Variants in KCNK5 observed in about 807,000 individuals in gnomAD.
KCNK5 encodes potassium channel subfamily K member 5.
Under a neutral mutation model 32.9 loss-of-function variants are expected in KCNK5, and 18 were observed. That is an observed-to-expected ratio of 0.55 (90% CI 0.38 to 0.81). The LOEUF (loss-of-function observed/expected upper bound fraction) is 0.81. Among genes scored for constraint, KCNK5 ranks in the 30% least tolerant of loss-of-function variants. The probability of loss-of-function intolerance (pLI) is 0.00; values close to 1 mark genes in which losing one functional copy is unlikely to be tolerated. For synonymous variants in KCNK5, 276 were observed against 275.3 expected (o/e 1.00, Z -0.03); for missense variants, 507 against 651.0 (o/e 0.78, Z 2.41).
At chr6:39,197,418 C>T (rs904579127) in intron 1 of KCNK5, among the ~76,000 whole-genome samples, 10 of 152,236 alleles carry the variant, frequency 6.6e-5, no homozygotes, top group African/African-American at 2.4e-4. Flanking sequence ...CTGCCTCCTC[C>T]GGCATTTCAC....
chr6:39,210,400 C>T (rs1262336885), intron 1 of KCNK5, among the ~76,000 whole-genome samples: 1 of 152,136 alleles, frequency 6.6e-6, no homozygotes, highest in South Asian at 2.1e-4. Context: ...TCGTCACCTT[C>T]ACTCCCCCTA....
intron 1 of KCNK5, among the ~76,000 whole-genome samples, chr6:39,199,503 G>A (rs1459852863): frequency 1.3e-5 from 2 of 152,186 alleles, no homozygotes; most frequent in Non-Finnish European, 2.9e-5. Flanking sequence ...AGGAGGCACT[G>A]GAGAGAGCCC....
chr6:39,205,028 C>T (rs1015699157), intron 1 of KCNK5, among the ~76,000 whole-genome samples: 5 of 152,344 alleles, frequency 3.3e-5, no homozygotes, highest in Admixed American at 3.3e-4. Context: ...TGTTCTCAGG[C>T]TGGGACGGTA....
In KCNK5 at chr6:39,190,990, G is replaced by C; in HGVS notation, c.1400C>G (p.Ser467Cys). 1 of 1,570,432 alleles carries C rather than the reference G, an allele frequency of 6.4e-7. No homozygotes were observed. Among genetic ancestry groups the C allele is most frequent in the Non-Finnish European group, 8.6e-7 (1 of 1,159,872 alleles). Residue 467 changes from serine to cysteine, a missense_variant, in exon 5 of 5, where the codon TCC becomes TGC. Around this residue, in one of 6 missense-constraint regions of KCNK5, gnomAD observed 252 missense variants for 250.8 expected, o/e 1.00. Transcript: ENST00000359534. ...APLNMGEFPS[S>C]SESTFTSTES... ...AGTGCTGGTGAAGGTGGACTCGGAG[G>C]AGGAGGGGAACTCGCCCATGTTCAG...
At chr6:39,212,125 C>T (rs546635251) in intron 1 of KCNK5, among the ~76,000 whole-genome samples, 1 of 152,214 alleles carries the variant, frequency 6.6e-6, no homozygotes, top group African/African-American at 2.4e-5. Flanking sequence ...CCCGTCTCTA[C>T]AAAACATACA....
chr6:39,207,906 A>AGCC (rs1771258239), intron 1 of KCNK5, among the ~76,000 whole-genome samples: 2 of 152,100 alleles, frequency 1.3e-5, no homozygotes, highest in Admixed American at 6.5e-5. Context: ...CCCTGGGAGG[A>AGCC]AGCTGGCTCC....
At chr6:39,193,495 G>A (rs1364723317) in intron 4 of KCNK5, among the ~76,000 whole-genome samples, 9 of 152,260 alleles carry the variant, frequency 5.9e-5, no homozygotes, top group Admixed American at 3.3e-4. Context: ...CAAACAGGGT[G>A]TCAAGAAGAT....
chr6:39,220,496 G>A (rs978806410), intron 1 of KCNK5, among the ~76,000 whole-genome samples: 4 of 152,322 alleles, frequency 2.6e-5, no homozygotes, highest in African/African-American at 4.8e-5. Context: ...CCATCTGGAC[G>A]CAGGAATTCT....
At chr6:39,209,984 T>C (rs1217139197) in intron 1 of KCNK5, among the ~76,000 whole-genome samples, 2 of 152,202 alleles carry the variant, frequency 1.3e-5, no homozygotes, top group Non-Finnish European at 2.9e-5. Context: ...ATGCTCCCGA[T>C]GCATGAACTT....
intron 1 of KCNK5, among the ~76,000 whole-genome samples, chr6:39,204,144 C>T (rs540624101): frequency 3.3e-5 from 5 of 152,370 alleles, no homozygotes; most frequent in South Asian, 2.1e-4. Flanking sequence ...TGTTGCAAAG[C>T]GGACTTTGTT....
At chr6:39,208,670 G>C (rs763629219) in intron 1 of KCNK5, among the ~76,000 whole-genome samples, 4 of 152,224 alleles carry the variant, frequency 2.6e-5, no homozygotes, top group Non-Finnish European at 4.4e-5. Flanking sequence ...TTCTGTGCAG[G>C]GGGGGAGGGG....
chr6:39,218,620 A>G (rs1033397825), intron 1 of KCNK5, among the ~76,000 whole-genome samples: 1 of 152,208 alleles, frequency 6.6e-6, no homozygotes, highest in East Asian at 1.9e-4. Context: ...GGGTCCGCAG[A>G]GACCCATGGT....
chr6:39,193,574 C>T (rs530666649), intron 4 of KCNK5, among the ~76,000 whole-genome samples: 1 of 152,350 alleles, frequency 6.6e-6, no homozygotes, highest in African/African-American at 2.4e-5. Context: ...TGGTAACAGG[C>T]CTTCAGACAA....
Position 39,190,792 on chromosome 6 carries a change from GC to G in KCNK5, c.*97del, listed in dbSNP as rs1336659724. On this transcript the variant is annotated 3_prime_UTR_variant, in exon 5 of 5. Transcript: ENST00000359534. The stretch of plus-strand genomic sequence containing the variant: ...GCCCCCCACTCCCAGTTCCGAGGCT[GC>G]CCCCCCACCAGGGGCCAGGCGTCCC... The G allele has an allele frequency of 5.5e-5, 69 of 1,252,350 alleles. No individual in the cohort carries two copies. The East Asian group carries it at 6.1e-4, about 11-fold the overall frequency. 77.6% of individuals were successfully genotyped at this position (1,252,350 alleles called of 1,614,324 possible). A position where few individuals can be genotyped will look rare whatever the true frequency, so the allele number is the denominator to read the frequency against.
intron 1 of KCNK5, among the ~76,000 whole-genome samples, chr6:39,208,431 T>G (rs1187932546): frequency 6.6e-6 from 1 of 152,140 alleles, no homozygotes; most frequent in African/African-American, 2.4e-5. Context: ...CTTGCCCCCA[T>G]CTTTCTTCTC....
chr6:39,202,612 G>T (rs905947877), intron 1 of KCNK5, among the ~76,000 whole-genome samples: 1 of 152,192 alleles, frequency 6.6e-6, no homozygotes, highest in Non-Finnish European at 1.5e-5. Flanking sequence ...GAAACTCCAC[G>T]AGGGCAGTAA....
intron 1 of KCNK5, among the ~76,000 whole-genome samples, chr6:39,210,449 A>C (rs1470491000): frequency 6.6e-6 from 1 of 152,182 alleles, no homozygotes. Context: ...AGGCACAAAA[A>C]TGTAGCTGGG....
chr6:39,211,387 T>C (rs1771334917), intron 1 of KCNK5, among the ~76,000 whole-genome samples: 1 of 152,202 alleles, frequency 6.6e-6, no homozygotes, highest in Admixed American at 6.5e-5. Context: ...CACAAACACA[T>C]GCTTTCTGTC....
At chr6:39,202,826 A>T (rs527367636) in intron 1 of KCNK5, among the ~76,000 whole-genome samples, 1 of 152,100 alleles carries the variant, frequency 6.6e-6, no homozygotes, top group South Asian at 2.1e-4. Context: ...ACCTGTGCTC[A>T]TGGAAAAGGT....
Sources: gnomAD v4.1 joint callset for allele counts (sites outside exome capture counted in the v4.1 genomes callset) on GRCh38, gnomAD v4.1.1 for gene constraint, gnomAD v4.1.1 regional missense constraint, MANE v1.5 for transcripts, NCBI Gene and HGNC (gene_info 2026-07-23, HGNC 2026-07-21) for gene names.